PCDHA6: variants seen among roughly 807,000 people sequenced by gnomAD.
PCDHA6 encodes the protein protocadherin alpha 6.
Under a neutral mutation model 60.3 loss-of-function variants are expected in PCDHA6, and 55 were observed. The ratio of observed to expected loss-of-function variants is 0.91; its 90% CI spans 0.73 to 1.14. The LOEUF (loss-of-function observed/expected upper bound fraction) is 1.14, where lower values mean the gene tolerates loss of function less well. PCDHA6 is among the 50% of genes most tolerant of loss of function. The pLI is 0.00. For synonymous variants in PCDHA6, 652 were observed against 557.9 expected (o/e 1.17, Z -2.38); for missense variants, 1,327 against 1,256.5 (o/e 1.06, Z -0.85).
intron 1 of PCDHA6, among the ~76,000 whole-genome samples, chr5:140,908,097 G>A (rs184366035): frequency 2.6e-5 from 4 of 152,212 alleles, no homozygotes; most frequent in African/African-American, 9.6e-5. Flanking sequence ...ACTGATTGAA[G>A]TTCTGTCCAC....
chr5:140,921,581 T>C (rs1199851100), intron 1 of PCDHA6, among the ~76,000 whole-genome samples: 1 of 152,210 alleles, frequency 6.6e-6, no homozygotes, highest in Non-Finnish European at 1.5e-5. Flanking sequence ...GAGCTCATAC[T>C]ATATTATGGT....
At chr5:140,937,190 A>T (rs1255488487) in intron 1 of PCDHA6, among the ~76,000 whole-genome samples, 1 of 151,824 alleles carries the variant, frequency 6.6e-6, no homozygotes, top group East Asian at 2.0e-4. Context: ...GGCGCCCGCC[A>T]CCATGCCCGG....
At chr5:140,892,827 A>G (rs1304427197) in intron 1 of PCDHA6, among the ~76,000 whole-genome samples, 3 of 152,188 alleles carry the variant, frequency 2.0e-5, no homozygotes, top group African/African-American at 7.2e-5. Context: ...ACAGTGCTAC[A>G]GTGCTGCAAA....
At chr5:140,923,528 CA>C (rs1240707958) in intron 1 of PCDHA6, among the ~76,000 whole-genome samples, 1 of 151,622 alleles carries the variant, frequency 6.6e-6, no homozygotes, top group Non-Finnish European at 1.5e-5. Context: ...GATTCTGTCC[CA>C]AAAAAAGGAC....
chr5:140,895,428 C>A (rs2065003978), intron 1 of PCDHA6, among the ~76,000 whole-genome samples: 1 of 152,154 alleles, frequency 6.6e-6, no homozygotes, highest in Non-Finnish European at 1.5e-5. Flanking sequence ...TTTGCTTCCT[C>A]CTGAGACTCT....
At chr5:140,916,417 A>G (rs2077566178) in intron 1 of PCDHA6, among the ~76,000 whole-genome samples, 1 of 152,246 alleles carries the variant, frequency 6.6e-6, no homozygotes. Flanking sequence ...AAGTCAGCAC[A>G]TCTCAGAACC....
intron 2 of PCDHA6, among the ~76,000 whole-genome samples, chr5:140,982,129 A>G (rs2153827592): frequency 6.6e-6 from 1 of 152,376 alleles, no homozygotes; most frequent in East Asian, 1.9e-4. Context: ...TTTGAGAACA[A>G]GCCCTCCTCA....
rs949986485 is a variant in PCDHA6 at position 140,855,050 on chromosome 5, T to C, written c.2394+24565T>C. Among the ~76,000 whole-genome samples the C allele has an allele frequency of 5.5e-4, 83 of 150,048 alleles. 4 individuals are homozygous for C. The highest frequency in any genetic ancestry group is 1.9e-3 in the African/African-American group (78 of 41,034). On this transcript the variant is annotated intron_variant, in intron 1 of 3. Transcript: ENST00000529310. ...ATAAAGGATTTTTCTGTAATAGTAC[T>C]TTTCTGTTTTCTTAAATACAGAAAC... is the stretch of plus-strand genomic sequence containing the variant.
At chr5:140,918,348 G>A (rs1184826451) in intron 1 of PCDHA6, among the ~76,000 whole-genome samples, 1 of 152,138 alleles carries the variant, frequency 6.6e-6, no homozygotes, top group Non-Finnish European at 1.5e-5. Context: ...GAGATAGGTT[G>A]ACTTCCTCTC....
rs2150182996 is a variant in PCDHA6 at position 140,830,224 on chromosome 5, G to C, written c.2133G>C (p.Leu711=). 1 of 1,613,900 alleles carries C rather than the reference G, an allele frequency of 6.2e-7. No homozygotes were observed. Among genetic ancestry groups the C allele is most frequent in the African/African-American group, 1.3e-5 (1 of 75,056 alleles). ...CCATCTGCGCGGTATCCAGCCTGCTGGTCCTCACGCTACTGCTGTACACAG... is the reference window on the plus strand; with the variant it reads ...CCATCTGCGCGGTATCCAGCCTGCTCGTCCTCACGCTACTGCTGTACACAG... ...IIAICAVSSL[L]VLTLLLYTAL... The change falls in exon 1 of 4, where the codon CTG becomes CTC. Residue 711 remains leucine (L), a synonymous_variant. Transcript: ENST00000529310.
At chr5:140,856,019 C>G in intron 1 of PCDHA6, 1 of 1,551,820 alleles carries the variant, frequency 6.4e-7, no homozygotes, top group Non-Finnish European at 8.7e-7. Flanking sequence ...ACCGCTGATT[C>G]GTCGATTTGT....
chr5:140,855,030 G>A (rs1385138184), intron 1 of PCDHA6, among the ~76,000 whole-genome samples: 1 of 149,666 alleles, frequency 6.7e-6, no homozygotes, highest in African/African-American at 2.4e-5. Context: ...CTTGTATAAA[G>A]GATTTTTCTG....
Position 140,855,945 on chromosome 5 carries a change from C to T in PCDHA6, c.2394+25460C>T, listed in dbSNP as rs187469272. On this transcript the variant is annotated intron_variant, in intron 1 of 3. Transcript: ENST00000529310. ...AGTAGCGTCATTCTGAGATCTCAGC[C>T]ATTTCGATAAAAAATAGATATAAGA... 8 of 1,336,226 alleles carry T rather than the reference C, an allele frequency of 6.0e-6. No individual in the cohort carries two copies. In the Admixed American group the frequency reaches 1.2e-4, roughly 20 times the overall value. 82.8% of individuals were successfully genotyped at this position (1,336,226 alleles called of 1,614,324 possible). A position where few individuals can be genotyped will look rare whatever the true frequency, so the allele number is the denominator to read the frequency against.
intron 1 of PCDHA6, among the ~76,000 whole-genome samples, chr5:140,924,530 C>T (rs1263885513): frequency 6.6e-6 from 1 of 152,002 alleles, no homozygotes; most frequent in Non-Finnish European, 1.5e-5. Context: ...AGAGAATGCC[C>T]GAGCTACCCC....
At chr5:140,891,888 T>C (rs1562860973) in intron 1 of PCDHA6, among the ~76,000 whole-genome samples, 1 of 152,212 alleles carries the variant, frequency 6.6e-6, no homozygotes, top group Non-Finnish European at 1.5e-5. Context: ...CATGTGACGA[T>C]GCAGCAAGAA....
intron 1 of PCDHA6, chr5:140,850,280 C>G: frequency 6.3e-7 from 1 of 1,595,478 alleles, no homozygotes; most frequent in Non-Finnish European, 8.6e-7. Flanking sequence ...GGAAGGTGCG[C>G]GCAGTGGACG....
intron 1 of PCDHA6, among the ~76,000 whole-genome samples, chr5:140,915,168 C>T (rs181934284): frequency 6.0e-4 from 92 of 152,112 alleles, no homozygotes; most frequent in Middle Eastern, 3.4e-3. Context: ...AGGATAGTCT[C>T]GATCTCTTGA....
At chr5:140,871,789 AAAT>A (rs2053309848) in intron 1 of PCDHA6, among the ~76,000 whole-genome samples, 1 of 152,254 alleles carries the variant, frequency 6.6e-6, no homozygotes, top group Non-Finnish European at 1.5e-5. Context: ...ACTTGAGTAG[AAAT>A]AATTACTATT....
chr5:140,875,793 G>A (rs2055816565), intron 1 of PCDHA6: 1 of 1,614,100 alleles, frequency 6.2e-7, no homozygotes, highest in Non-Finnish European at 8.5e-7. Flanking sequence ...TCCACCTGGA[G>A]GTGATCGTGG....
Sources: gnomAD v4.1 joint callset for allele counts (sites outside exome capture counted in the v4.1 genomes callset) on GRCh38, gnomAD v4.1.1 for gene constraint, MANE v1.5 for transcripts, NCBI Gene and HGNC (gene_info 2026-07-23, HGNC 2026-07-21) for gene names.